PPP4R2: variants seen among roughly 807,000 people sequenced by gnomAD.
PPP4R2 encodes protein phosphatase 4 regulatory subunit 2.
In PPP4R2, 13 loss-of-function variants were observed where a neutral mutation model predicts 47.2. The observed-to-expected ratio is 0.28, with a 90% CI of 0.18 to 0.44. The LOEUF is 0.44. Among genes scored for constraint, PPP4R2 ranks in the 20% least tolerant of loss-of-function variants. The probability of loss-of-function intolerance (pLI) is 1.00; values close to 1 mark genes in which losing one functional copy is unlikely to be tolerated. For missense variants in PPP4R2, 421 were observed against 491.2 expected (o/e 0.86, Z 1.35); for synonymous variants, 151 against 163.3 (o/e 0.92, Z 0.57).
At chr3:73,034,429 A>G (rs2107283316) in intron 2 of PPP4R2, among the ~76,000 whole-genome samples, 1 of 152,298 alleles carries the variant, frequency 6.6e-6, no homozygotes, top group Middle Eastern at 3.4e-3. Context: ...GTGGACACAT[A>G]TTTTCCTCCA....
At chr3:73,043,831 A>G (rs1037514879) in intron 2 of PPP4R2, among the ~76,000 whole-genome samples, 9 of 152,222 alleles carry the variant, frequency 5.9e-5, no homozygotes, top group African/African-American at 2.2e-4. Flanking sequence ...CTCACGATGT[A>G]TGTTACCATC....
At chr3:73,054,502 G>A (rs1376566333) in intron 3 of PPP4R2, among the ~76,000 whole-genome samples, 1 of 152,146 alleles carries the variant, frequency 6.6e-6, no homozygotes, top group Non-Finnish European at 1.5e-5. Flanking sequence ...TGACAGTTAA[G>A]TTTAACTCAG....
In PPP4R2 at chr3:73,042,361, C is replaced by CTTTT. The variant is rs10709279; in HGVS notation, c.117-4807_117-4804dup. Among the ~76,000 whole-genome samples, 42 of 75,852 alleles carry CTTTT rather than the reference C, an allele frequency of 5.5e-4. 1 individual carries two copies. Among genetic ancestry groups the CTTTT allele is most frequent in the African/African-American group, 9.5e-4 (20 of 21,086 alleles). 49.8% of individuals were successfully genotyped at this position (75,852 alleles called of 152,430 possible). On this transcript the variant is annotated intron_variant, in intron 2 of 8. Coordinates refer to ENST00000356692, the MANE Select transcript of PPP4R2 (RefSeq NM_174907.4). ...TGTTTTTTGTGCCTGAATATAATTTCTTTTTTTTTTTTTTTTTTTTTGAGA... is the reference window on the plus strand; with the variant it reads ...TGTTTTTTGTGCCTGAATATAATTTCTTTTTTTTTTTTTTTTTTTTTTTTTGAGA...
At chr3:73,021,880 G>GTATA (rs1553646882) in intron 2 of PPP4R2, among the ~76,000 whole-genome samples, 14 of 135,390 alleles carry the variant, frequency 1.0e-4, no homozygotes, top group Admixed American at 1.6e-4. Context: ...GTGTGTGTGT[G>GTATA]TATATATGCA....
At chr3:73,002,048 T>TA (rs1701475236) in intron 2 of PPP4R2, among the ~76,000 whole-genome samples, 2 of 152,208 alleles carry the variant, frequency 1.3e-5, no homozygotes, top group Admixed American at 1.3e-4. Flanking sequence ...TTTAGACTCT[T>TA]ACCTTTGTGA....
chr3:72,996,965 GGT>G lies in PPP4R2; in HGVS notation c.-71_-70del. 1 of 1,183,274 alleles carries G rather than the reference GGT, an allele frequency of 8.5e-7. No individual in the cohort carries two copies. Among genetic ancestry groups the G allele is most frequent in the South Asian group, 2.4e-5 (1 of 41,336 alleles). The allele number at this position is 1,183,274 out of a possible 1,614,324, so 73.3% of individuals were successfully genotyped here. On this transcript the variant is annotated 5_prime_UTR_variant, in exon 1 of 9. Transcript: ENST00000356692. Reference sequence around the variant, plus strand: ...CGAGGGAGGGGGAGGGCGTCGGGGGGGTGGGGGGAGGCGTTCCGGTCCCCAAG... The same window carrying G: ...CGAGGGAGGGGGAGGGCGTCGGGGGGGGGGGGAGGCGTTCCGGTCCCCAAG...
intron 2 of PPP4R2, among the ~76,000 whole-genome samples, chr3:73,025,072 C>T (rs1702036775): frequency 1.3e-5 from 2 of 151,974 alleles, no homozygotes; most frequent in South Asian, 4.1e-4. Context: ...TTGGCCTGGC[C>T]CTGGTCAGGT....
chr3:73,026,500 G>A (rs369307954), intron 2 of PPP4R2, among the ~76,000 whole-genome samples: 1 of 104,936 alleles, frequency 9.5e-6, no homozygotes, highest in South Asian at 3.5e-4. Context: ...TTTTTGTTTA[G>A]AGTGAGTTCC....
intron 2 of PPP4R2, among the ~76,000 whole-genome samples, chr3:73,044,219 T>TG (rs1702436560): frequency 1.7e-5 from 2 of 121,198 alleles, no homozygotes; most frequent in Admixed American, 7.8e-5. Flanking sequence ...GTTTCATAAT[T>TG]TTTGTTGTTG....
intron 2 of PPP4R2, among the ~76,000 whole-genome samples, chr3:73,023,190 GT>G (rs1425949473): frequency 5.0e-5 from 7 of 140,354 alleles, no homozygotes; most frequent in South Asian, 2.3e-4. Flanking sequence ...CCTTTTTTTT[GT>G]TTTTTTTTTG....
At chr3:72,998,806 G>T (rs1339089816) in intron 2 of PPP4R2, among the ~76,000 whole-genome samples, 2 of 152,018 alleles carry the variant, frequency 1.3e-5, no homozygotes, top group Non-Finnish European at 2.9e-5. Flanking sequence ...CCAGGTCATT[G>T]TTTTGCAGTT....
At chr3:73,040,147 TGTG>T (rs1438057639) in intron 2 of PPP4R2, among the ~76,000 whole-genome samples, 1 of 152,212 alleles carries the variant, frequency 6.6e-6, no homozygotes, top group East Asian at 1.9e-4. Flanking sequence ...ACAAGTGTCT[TGTG>T]GTCAAAATCA....
intron 2 of PPP4R2, among the ~76,000 whole-genome samples, chr3:73,045,961 A>AAAAAAT (rs1702477562): frequency 1.3e-5 from 2 of 152,194 alleles, no homozygotes; most frequent in Non-Finnish European, 2.9e-5. Context: ...AATTTTTTTA[A>AAAAAAT]TACCTGTTTC....
rs565430035 is a variant in PPP4R2, at chr3:73,056,510, G to T, written c.288-2527G>T. ...TCCATTGATTTGCAGAAAGTGTTTG[G>T]TTGGGATTTAGCCTGTCGTGTGAGA... On this transcript the variant is annotated intron_variant, in intron 3 of 8. Transcript: ENST00000356692. Among the ~76,000 whole-genome samples the T allele has an allele frequency of 2.6e-5, 4 of 151,794 alleles. No homozygotes were observed. The South Asian group carries it at 8.4e-4, about 32-fold the overall frequency.
At chr3:73,025,799 C>G (rs973592147) in intron 2 of PPP4R2, among the ~76,000 whole-genome samples, 11 of 152,118 alleles carry the variant, frequency 7.2e-5, no homozygotes, top group Non-Finnish European at 1.0e-4. Flanking sequence ...AAAGATAAAT[C>G]AGAGCTTTGC....
intron 2 of PPP4R2, among the ~76,000 whole-genome samples, chr3:72,999,437 A>G (rs1240915696): frequency 1.3e-5 from 2 of 152,216 alleles, no homozygotes; most frequent in East Asian, 3.8e-4. Context: ...TTGAATTGCT[A>G]GTCGGCACAG....
At chr3:73,056,822 C>CAT (rs758331998) in intron 3 of PPP4R2, among the ~76,000 whole-genome samples, 1 of 152,000 alleles carries the variant, frequency 6.6e-6, no homozygotes, top group Non-Finnish European at 1.5e-5. Flanking sequence ...TGTTGTTAAA[C>CAT]AAGAAGTTTT....
intron 2 of PPP4R2, among the ~76,000 whole-genome samples, chr3:73,042,869 A>C (rs1179842549): frequency 6.6e-6 from 1 of 152,132 alleles, no homozygotes; most frequent in Non-Finnish European, 1.5e-5. Flanking sequence ...GTGTGTTCAT[A>C]ATTCATGTCA....
intron 2 of PPP4R2, among the ~76,000 whole-genome samples, chr3:73,003,733 CTGT>C (rs1396137659): frequency 6.6e-6 from 1 of 151,680 alleles, no homozygotes; most frequent in African/African-American, 2.4e-5. Context: ...GAGTCTTGCT[CTGT>C]TGCCCAGGCT....
Sources: allele counts gnomAD v4.1 joint callset (sites outside exome capture counted in the v4.1 genomes callset), GRCh38; gene constraint gnomAD v4.1.1; transcripts MANE v1.5; gene names NCBI Gene and HGNC (gene_info 2026-07-23, HGNC 2026-07-21).